Variants in CSTPP1 observed in about 807,000 individuals in gnomAD.
The protein encoded by CSTPP1 is centriolar satellite-associated tubulin polyglutamylase complex regulator 1, also known as UPF0705 protein C11orf49.
the CSTPP1 span, among the ~76,000 whole-genome samples, chr11:47,059,159 C>A: frequency 6.6e-6 from 1 of 152,100 alleles, no homozygotes; most frequent in Non-Finnish European, 1.5e-5. Context: ...ACGATGGACA[C>A]AGGGAGGAGA....
At chr11:47,043,645 CCCA>C in the CSTPP1 span, among the ~76,000 whole-genome samples, 1 of 152,122 alleles carries the variant, frequency 6.6e-6, no homozygotes. Flanking sequence ...AGTCAATAAA[CCCA>C]ATAAACATAA....
At chr11:47,088,138 G>A in the CSTPP1 span, among the ~76,000 whole-genome samples, 1 of 152,168 alleles carries the variant, frequency 6.6e-6, no homozygotes, top group African/African-American at 2.4e-5. Flanking sequence ...TTAGAAGCGT[G>A]TTGCTAAGTT....
the CSTPP1 span, among the ~76,000 whole-genome samples, chr11:46,972,727 T>C: frequency 6.6e-6 from 1 of 152,190 alleles, no homozygotes; most frequent in South Asian, 2.1e-4. Context: ...GGAGCTGTCA[T>C]CAGTTCTAAA....
the CSTPP1 span, among the ~76,000 whole-genome samples, chr11:47,059,798 G>A: frequency 1.3e-5 from 2 of 152,116 alleles, no homozygotes; most frequent in Admixed American, 1.3e-4. Context: ...TTACTATCCT[G>A]TTTTATATGT....
the CSTPP1 span, among the ~76,000 whole-genome samples, chr11:47,071,876 T>C: frequency 6.6e-6 from 1 of 152,334 alleles, no homozygotes; most frequent in Admixed American, 6.5e-5. Flanking sequence ...GTGCATCATA[T>C]AATAAACATG....
At chr11:47,163,268 GT>G in the CSTPP1 span, among the ~76,000 whole-genome samples, 1 of 151,960 alleles carries the variant, frequency 6.6e-6, no homozygotes, top group Non-Finnish European at 1.5e-5. Context: ...TCAAATCCTG[GT>G]GTCCTCAGAA....
the CSTPP1 span, among the ~76,000 whole-genome samples, chr11:47,049,670 T>TA: frequency 6.6e-6 from 1 of 151,740 alleles, no homozygotes; most frequent in Non-Finnish European, 1.5e-5. Context: ...AATATTATGT[T>TA]AATGTTTTAA....
chr11:47,057,882 C>G, the CSTPP1 span, among the ~76,000 whole-genome samples: 4 of 152,178 alleles, frequency 2.6e-5, no homozygotes, highest in Non-Finnish European at 2.9e-5. Context: ...ACACCGGGCA[C>G]TGGGTAGAGT....
At chr11:47,068,113 T>G in the CSTPP1 span, among the ~76,000 whole-genome samples, 1 of 152,224 alleles carries the variant, frequency 6.6e-6, no homozygotes, top group Non-Finnish European at 1.5e-5. Flanking sequence ...CTTATATCCC[T>G]GCAAATAACT....
At chr11:47,164,191 A>G in the CSTPP1 span, 3 of 1,613,496 alleles carry the variant, frequency 1.9e-6, no homozygotes, top group East Asian at 6.7e-5. Context: ...GAGGCCCTGG[A>G]GAGAGTGTCC....
the CSTPP1 span, among the ~76,000 whole-genome samples, chr11:47,076,575 T>G: frequency 6.6e-6 from 1 of 152,060 alleles, no homozygotes; most frequent in Non-Finnish European, 1.5e-5. Context: ...GCATGGTGGC[T>G]CACACCTATA....
chr11:46,998,840 A>T, the CSTPP1 span, among the ~76,000 whole-genome samples: 1 of 151,956 alleles, frequency 6.6e-6, no homozygotes, highest in African/African-American at 2.4e-5. Flanking sequence ...GGTTCACGAC[A>T]TTCTCCCGCC....
chr11:47,021,626 TC>T, the CSTPP1 span, among the ~76,000 whole-genome samples: 43 of 152,208 alleles, frequency 2.8e-4, no homozygotes, highest in Admixed American at 3.9e-4. Context: ...TTAGGGTTTT[TC>T]CCCCTCCTTC....
chr11:47,099,441 T>G, the CSTPP1 span, among the ~76,000 whole-genome samples: 2 of 152,138 alleles, frequency 1.3e-5, no homozygotes, highest in African/African-American at 2.4e-5. Flanking sequence ...AAACAAAGCC[T>G]TTACCAGAGT....
the CSTPP1 span, among the ~76,000 whole-genome samples, chr11:47,122,069 C>CAAAAAAAAAAAAAAA: frequency 2.7e-4 from 6 of 21,986 alleles, no homozygotes; most frequent in Non-Finnish European, 3.9e-4. Context: ...GACCCTGTCT[C>CAAAAAAAAAAAAAAA]AAAAAAAAAA....
At chr11:47,152,155 C>A in the CSTPP1 span, among the ~76,000 whole-genome samples, 183 of 151,612 alleles carry the variant, frequency 1.2e-3, 1 homozygote, top group South Asian at 2.1e-3. Context: ...GAGGCTGAGG[C>A]AGGAGAATCA....
chr11:46,941,235 G>A, the CSTPP1 span, among the ~76,000 whole-genome samples: 8 of 152,300 alleles, frequency 5.3e-5, no homozygotes, highest in African/African-American at 1.7e-4. Flanking sequence ...TCATCAAACC[G>A]TATCACTCTG....
the CSTPP1 span, among the ~76,000 whole-genome samples, chr11:47,057,084 T>G: frequency 1.3e-5 from 2 of 152,214 alleles, no homozygotes; most frequent in Admixed American, 6.5e-5. Context: ...CATGACTGAG[T>G]ACTGATGCTA....
At chr11:47,039,122 A>C in the CSTPP1 span, among the ~76,000 whole-genome samples, 6 of 126,362 alleles carry the variant, frequency 4.7e-5, no homozygotes, top group African/African-American at 1.0e-4. Flanking sequence ...AGAGGCTGCA[A>C]TCTCGGCACT....
Sources: allele counts gnomAD v4.1 joint callset (sites outside exome capture counted in the v4.1 genomes callset), GRCh38; gene constraint gnomAD v4.1.1; transcripts MANE v1.5; gene names NCBI Gene and HGNC (gene_info 2026-07-23, HGNC 2026-07-21).